ELAPOR2: variants seen among roughly 807,000 people sequenced by gnomAD.
ELAPOR2 encodes the protein endosome-lysosome associated apoptosis and autophagy regulator family member 2.
Under a neutral mutation model 120.7 loss-of-function variants are expected in ELAPOR2, and 89 were observed. The ratio of observed to expected loss-of-function variants is 0.74; its 90% CI spans 0.62 to 0.88. The LOEUF (loss-of-function observed/expected upper bound fraction) is 0.88. Among genes scored for constraint, ELAPOR2 ranks in the 40% least tolerant of loss-of-function variants. The probability of loss-of-function intolerance (pLI) is 0.00; values close to 1 mark genes in which losing one functional copy is unlikely to be tolerated. For synonymous variants in ELAPOR2, 444 were observed against 444.9 expected, an observed-to-expected ratio of 1.00 and a Z score of 0.03; for missense variants, 1,134 against 1,251.6, an observed-to-expected ratio of 0.91 and a Z score of 1.42.
rs199915824 is a variant in ELAPOR2 at position 86,909,894 on chromosome 7, C to T, written c.2277G>A (p.Gln759=). The change falls in exon 16 of 22, where the codon CAG becomes CAA. Residue 759 remains glutamine (Q), a synonymous_variant. Transcript: ENST00000450689. ...TACTTTCAGAAGGAATAATTGTTGA[C>T]TGGCATACAAATGCCCCTACCAAAT... ...YTNLVGAFVC[Q]STIIPSESKG... The T allele has an allele frequency of 4.3e-6, 7 of 1,613,462 alleles. No individual in the cohort carries two copies. Among genetic ancestry groups the T allele is most frequent in the South Asian group, 1.1e-5 (1 of 91,036 alleles).
chr7:86,976,402 A>G (rs1221790615), intron 1 of ELAPOR2, among the ~76,000 whole-genome samples: 1 of 152,202 alleles, frequency 6.6e-6, no homozygotes, highest in Admixed American at 6.5e-5. Context: ...TCAGTCTATG[A>G]AGTAACAGTC....
intron 1 of ELAPOR2, among the ~76,000 whole-genome samples, chr7:87,058,858 G>T (rs993196062): frequency 1.3e-5 from 2 of 152,126 alleles, no homozygotes; most frequent in African/African-American, 4.8e-5. Flanking sequence ...CTGAGGGCAG[G>T]GGAGTAGGAC....
intron 10 of ELAPOR2, among the ~76,000 whole-genome samples, chr7:86,924,649 C>G (rs963904157): frequency 5.9e-5 from 9 of 151,906 alleles, no homozygotes; most frequent in African/African-American, 2.2e-4. Flanking sequence ...GAGGCTTTGT[C>G]TTTTCCTCTT....
chr7:86,914,741 T>A lies in ELAPOR2; in HGVS notation c.1713A>T (p.Arg571Ser). ...AACTTACATCTTGACCCTGATTAGTTCTCTGGAATGCCCATGTAAATGTAA... is the reference window on the plus strand; with the variant it reads ...AACTTACATCTTGACCCTGATTAGTACTCTGGAATGCCCATGTAAATGTAA... ...ATFTFTWAFQ[R>S]TNQGQDNRRF... Residue 571 changes from arginine (R) to serine (S), a missense_variant, in exon 13 of 22, where the codon AGA becomes AGT. This residue lies in a region of ELAPOR2 where 831 missense variants were observed against 867.6 expected (regional missense o/e 0.96). Transcript: ENST00000450689. 6.2e-7 allele frequency: 1 copy of A among 1,610,806 alleles called. No homozygotes were observed. The highest frequency in any genetic ancestry group is 8.5e-7 in the Non-Finnish European group (1 of 1,178,578).
Position 87,046,058 on chromosome 7 carries a change from A to T in ELAPOR2, c.189+13267T>A, listed in dbSNP as rs1412562951. 1.3e-5 allele frequency among the ~76,000 whole-genome samples: 2 copies of T among 152,096 alleles called. 1 individual carries two copies. The highest frequency in any genetic ancestry group is 4.1e-4 in the South Asian group (2 of 4,830). On this transcript the variant is annotated intron_variant, in intron 1 of 21. Coordinates refer to ENST00000450689, the MANE Select transcript of ELAPOR2 (RefSeq NM_001142749.3). ...CATATCTTATATTGGAAAAACCTAA[A>T]GACTCCACCAAAAAACTATTAGGAC...
At chr7:86,914,975 T>A in intron 12 of ELAPOR2, 115 bp from the exon 13 acceptor site, 1 of 871,600 alleles carries the variant, frequency 1.1e-6, no homozygotes, top group Non-Finnish European at 1.7e-6. Flanking sequence ...AGTTTATGAC[T>A]ATTTACAAAC....
At chr7:87,043,405 T>A (rs76523037) in intron 1 of ELAPOR2, among the ~76,000 whole-genome samples, 17,646 of 151,030 alleles carry the variant, frequency 0.12, 1,381 homozygotes, top group Non-Finnish European at 0.16. Flanking sequence ...TCAAAAAGCT[T>A]ATCCACCATG....
At chr7:86,946,578 G>C (rs2116379122) in intron 3 of ELAPOR2, among the ~76,000 whole-genome samples, 1 of 152,100 alleles carries the variant, frequency 6.6e-6, no homozygotes, top group South Asian at 2.1e-4. Flanking sequence ...GTAGAGATGG[G>C]GTTTCTCCAT....
At chr7:87,012,933 TA>T (rs927880404) in intron 1 of ELAPOR2, among the ~76,000 whole-genome samples, 13 of 152,122 alleles carry the variant, frequency 8.5e-5, no homozygotes, top group Non-Finnish European at 1.3e-4. Context: ...AAATTGACCA[TA>T]AAAAATGTTA....
intron 18 of ELAPOR2, among the ~76,000 whole-genome samples, chr7:86,906,424 C>G (rs796602518): frequency 1.1e-4 from 17 of 152,022 alleles, no homozygotes; most frequent in Admixed American, 9.8e-4. Context: ...AGTGGAAACA[C>G]GCAGTTGGTG....
intron 2 of ELAPOR2, among the ~76,000 whole-genome samples, chr7:86,958,089 G>C (rs970806249): frequency 2.6e-5 from 4 of 152,252 alleles, no homozygotes; most frequent in Admixed American, 1.3e-4. Flanking sequence ...ATAAGCACTT[G>C]TTCAATATAT....
chr7:86,910,652 CTT>C (rs1052704611), intron 15 of ELAPOR2, among the ~76,000 whole-genome samples: 5 of 151,858 alleles, frequency 3.3e-5, no homozygotes, highest in South Asian at 2.1e-4. Context: ...GAAGATATAA[CTT>C]ATAAAAAATG....
chr7:86,958,122 A>G lies in ELAPOR2; in HGVS notation c.310+6782T>C, dbSNP rs180893393. On this transcript the variant is annotated intron_variant, in intron 2 of 21. Transcript: ENST00000450689. ...TATACTAGCAGTGTATTCCAAAGAG[A>G]CAGTCCCATAGACATTAAGAACATA... Among the ~76,000 whole-genome samples the G allele has an allele frequency of 1.9e-3, 294 of 152,262 alleles. 2 individuals carry two copies. Among genetic ancestry groups the G allele is most frequent in the Non-Finnish European group, 5.0e-4 (34 of 68,016 alleles).
In ELAPOR2 at chr7:86,964,990, C is replaced by T. The variant is rs1291489203; in HGVS notation, c.224G>A (p.Ser75Asn). ...GGCAACTCTCCACCTGGAGCCACTG[C>T]TATCACATTCCGTATATTCAAAGTG... is the stretch of plus-strand genomic sequence containing the variant. ...DYHFEYTECDSSGSRWRVAIP... is the reference protein window; with the variant it reads ...DYHFEYTECDNSGSRWRVAIP... The change falls in exon 2 of 22, where the codon AGC becomes AAC. Residue 75 changes from serine (S) to asparagine (N), a missense_variant. By Grantham distance (46) the Ser-to-Asn change is conservative. This residue lies in a region of ELAPOR2 where 280 missense variants were observed against 331.5 expected (regional missense o/e 0.84). Coordinates refer to ENST00000450689, the MANE Select transcript of ELAPOR2 (RefSeq NM_001142749.3). The T allele has an allele frequency of 6.4e-7, 1 of 1,551,560 alleles. No individual in the cohort carries two copies. Among genetic ancestry groups the T allele is most frequent in the Non-Finnish European group, 8.7e-7 (1 of 1,146,830 alleles).
Position 86,879,932 on chromosome 7 carries a change from G to A in ELAPOR2, c.*539C>T, listed in dbSNP as rs900123383. On this transcript the variant is annotated 3_prime_UTR_variant, in exon 22 of 22. Transcript: ENST00000450689. ...AAGAGAAGATAACCTATGGAAAAAT[G>A]AAAAATTTATTGTCTTCATTGCTCA... 2.0e-5 allele frequency: 3 copies of A among 152,104 alleles called. No homozygotes were observed. Among genetic ancestry groups the A allele is most frequent in the African/African-American group, 7.2e-5 (3 of 41,410 alleles). The allele number at this position is 152,104 out of a possible 1,614,324, so 9.4% of individuals were successfully genotyped here.
At chr7:87,047,175 C>T (rs1321507228) in intron 1 of ELAPOR2, among the ~76,000 whole-genome samples, 1 of 152,136 alleles carries the variant, frequency 6.6e-6, no homozygotes, top group Non-Finnish European at 1.5e-5. Flanking sequence ...CCACTGTATA[C>T]AAAAATCAAA....
intron 1 of ELAPOR2, among the ~76,000 whole-genome samples, chr7:86,984,449 G>A (rs1401588451): frequency 7.9e-5 from 12 of 152,076 alleles, no homozygotes; most frequent in Admixed American, 7.9e-4. Context: ...AGCACTCCTT[G>A]GCAAATGTAA....
chr7:86,910,543 T>G (rs370837979), intron 15 of ELAPOR2, among the ~76,000 whole-genome samples: 1 of 152,146 alleles, frequency 6.6e-6, no homozygotes, highest in East Asian at 1.9e-4. Context: ...GTGTCTTTAT[T>G]AACCTACTCT....
chr7:86,980,148 G>A (rs1182995492), intron 1 of ELAPOR2, among the ~76,000 whole-genome samples: 1 of 152,184 alleles, frequency 6.6e-6, no homozygotes, highest in Non-Finnish European at 1.5e-5. Context: ...ATTTAACAGA[G>A]TGGCAATTTC....
Sources: gnomAD v4.1 joint callset for allele counts (sites outside exome capture counted in the v4.1 genomes callset) on GRCh38, gnomAD v4.1.1 for gene constraint, gnomAD v4.1.1 regional missense constraint, MANE v1.5 for transcripts, NCBI Gene and HGNC (gene_info 2026-07-23, HGNC 2026-07-21) for gene names.